Variants in SLC4A8 observed in about 807,000 individuals in gnomAD.
SLC4A8 encodes the protein solute carrier family 4 member 8, also known as electroneutral sodium bicarbonate exchanger 1.
A neutral mutation model predicts 125.0 loss-of-function variants in SLC4A8; 40 were observed. The observed-to-expected ratio is 0.32, with a 90% CI of 0.25 to 0.42. The LOEUF is 0.42. Among genes scored for constraint, SLC4A8 ranks in the 10% least tolerant of loss-of-function variants. SLC4A8 has a pLI of 1.00. For missense variants in SLC4A8, 863 were observed against 1,355.1 expected (o/e 0.64, Z 5.70); for synonymous variants, 456 against 476.0 (o/e 0.96, Z 0.55).
intron 23 of SLC4A8, among the ~76,000 whole-genome samples, chr12:51,504,817 T>G (rs2138453341): frequency 6.6e-6 from 1 of 152,338 alleles, no homozygotes; most frequent in South Asian, 2.1e-4. Flanking sequence ...AACCTATTGC[T>G]CACCACAAAT....
chr12:51,422,409 A>T (rs1261227554), upstream of SLC4A8, among the ~76,000 whole-genome samples: 1 of 152,068 alleles, frequency 6.6e-6, no homozygotes, highest in Non-Finnish European at 1.5e-5. Flanking sequence ...TCACTCTGTC[A>T]CCTCGGCTGG....
At chr12:51,465,188 A>G (rs995647289) in intron 11 of SLC4A8, among the ~76,000 whole-genome samples, 2 of 152,160 alleles carry the variant, frequency 1.3e-5, no homozygotes, top group African/African-American at 4.8e-5. Context: ...TTTCAGGAAA[A>G]GGTTTTGAGT....
At position 51,474,381 on chromosome 12, in the gene SLC4A8, C is replaced by A. The variant is rs1333353087; in HGVS notation, c.1944C>A (p.Thr648=). 2.5e-6 allele frequency: 4 copies of A among 1,603,636 alleles called. No homozygotes were observed. The East Asian group carries it at 9.0e-5, about 36-fold the overall frequency. Reference sequence around the variant, plus strand: ...TGCCAGAGAATCCAAACAATCACACCCTCCAGTACTGGAAGGACCACAACA... The same window carrying A: ...TGCCAGAGAATCCAAACAATCACACACTCCAGTACTGGAAGGACCACAACA... The part of the protein sequence containing the change: ...CTLPENPNNH[T]LQYWKDHNIV... The change falls in exon 15 of 25, where the codon ACC becomes ACA. Residue 648 remains threonine (T), a synonymous_variant. Transcript: ENST00000453097.
intron 10 of SLC4A8, 37 bp downstream of exon 10, chr12:51,462,493 C>G (rs745776866): frequency 6.6e-7 from 1 of 1,510,306 alleles, no homozygotes; most frequent in Non-Finnish European, 8.9e-7. Context: ...GCTATTGTCA[C>G]TTACTGACTG....
intron 24 of SLC4A8, 63 bp downstream of exon 24, chr12:51,505,993 A>G (rs1710679878): frequency 3.9e-6 from 3 of 764,200 alleles, no homozygotes; most frequent in Non-Finnish European, 6.7e-6. Context: ...GCGATATTGA[A>G]GGTAAAATGT....
intron 23 of SLC4A8, among the ~76,000 whole-genome samples, chr12:51,505,224 T>C (rs954366131): frequency 2.6e-5 from 4 of 152,214 alleles, no homozygotes; most frequent in African/African-American, 9.6e-5. Context: ...ATAATCTGGC[T>C]TGCAGCAAAC....
chr12:51,493,862 C>T, intron 20 of SLC4A8, 90 bp downstream of exon 20: 1 of 837,430 alleles, frequency 1.2e-6, no homozygotes, highest in South Asian at 1.4e-5. Flanking sequence ...AGAAGCACAA[C>T]CAGTTCTTGA....
intron 1 of SLC4A8, among the ~76,000 whole-genome samples, chr12:51,394,063 G>C (rs576400538): frequency 4.6e-5 from 7 of 152,258 alleles, no homozygotes; most frequent in African/African-American, 1.7e-4. Flanking sequence ...TCTGCCCTTT[G>C]ACCCTCAGGG....
At chr12:51,482,944 T>C (rs1318128425) in intron 16 of SLC4A8, among the ~76,000 whole-genome samples, 5 of 152,200 alleles carry the variant, frequency 3.3e-5, no homozygotes, top group African/African-American at 1.2e-4. Flanking sequence ...TTCCCTCAGC[T>C]TTGCCTGGGA....
chr12:51,415,231 A>C (rs895393825), intron 1 of SLC4A8, among the ~76,000 whole-genome samples: 12 of 151,622 alleles, frequency 7.9e-5, no homozygotes, highest in African/African-American at 1.9e-4. Flanking sequence ...CCTAATTTTG[A>C]TATCACAGTA....
intron 24 of SLC4A8, among the ~76,000 whole-genome samples, chr12:51,506,651 C>A (rs1388883920): frequency 6.6e-6 from 1 of 152,188 alleles, no homozygotes; most frequent in Non-Finnish European, 1.5e-5. Context: ...CCAGGCTGGT[C>A]TGGAACTCCT....
At chr12:51,493,634 G>T (rs1750733750) in intron 19 of SLC4A8, 70 bp from the exon 20 acceptor site, 2 of 959,104 alleles carry the variant, frequency 2.1e-6, no homozygotes, top group African/African-American at 1.6e-5. Context: ...AGATTTAAAA[G>T]TGTATATAGT....
At chr12:51,414,231 T>C (rs1008667725) in intron 1 of SLC4A8, among the ~76,000 whole-genome samples, 1 of 152,108 alleles carries the variant, frequency 6.6e-6, no homozygotes, top group African/African-American at 2.4e-5. Context: ...TAGTTCATTA[T>C]TGGCATATAG....
In SLC4A8 at chr12:51,512,740, G is replaced by T. The variant is rs1020411375; in HGVS notation, c.*5302G>T. Reference sequence around the variant, plus strand: ...TTTCATTGTTACTACTAGTCTTTGTGTACCTATCTGGAGGGACATTAAAAA... The same window carrying T: ...TTTCATTGTTACTACTAGTCTTTGTTTACCTATCTGGAGGGACATTAAAAA... On this transcript the variant is annotated 3_prime_UTR_variant, in exon 25 of 25. Coordinates refer to ENST00000453097, the MANE Select transcript of SLC4A8 (RefSeq NM_001039960.3). 6.6e-6 allele frequency: 1 copy of T among 152,036 alleles called. No individual in the cohort carries two copies. Among genetic ancestry groups the T allele is most frequent in the African/African-American group, 2.4e-5 (1 of 41,392 alleles). 9.4% of individuals were successfully genotyped at this position (152,036 alleles called of 1,614,324 possible).
intron 18 of SLC4A8, among the ~76,000 whole-genome samples, chr12:51,489,400 A>T (rs752136750): frequency 1.2e-4 from 18 of 152,228 alleles, no homozygotes; most frequent in Non-Finnish European, 2.2e-4. Flanking sequence ...AAGATGTGGC[A>T]GGGTGTCTGG....
chr12:51,489,842 C>G lies in SLC4A8; in HGVS notation c.2591C>G (p.Ser864Cys). The G allele has an allele frequency of 3.1e-6, 5 of 1,614,218 alleles. No homozygotes were observed. Among genetic ancestry groups the G allele is most frequent in the Non-Finnish European group, 4.2e-6 (5 of 1,180,024 alleles). The stretch of plus-strand genomic sequence containing the variant: ...AGCCTCAAGCTAGAATCTGAATGCT[C>G]TGCTCCTGGAGAACAGCCCAAGTTC... Reference protein sequence around the residue: ...VNSLKLESECSAPGEQPKFLG... With the variant: ...VNSLKLESECCAPGEQPKFLG... Residue 864 changes from serine (S) to cysteine (C), a missense_variant, in exon 19 of 25, where the codon TCT (serine) becomes TGT (cysteine). By Grantham distance (112) the Ser-to-Cys change is moderately radical. This residue lies in a region of SLC4A8 where 197 missense variants were observed against 377.7 expected (regional missense o/e 0.52). Transcript: ENST00000453097.
chr12:51,480,322 CTTA>C, intron 16 of SLC4A8: 1 of 1,203,074 alleles, frequency 8.3e-7, no homozygotes, highest in South Asian at 1.5e-5. Context: ...ATATGTATGT[CTTA>C]TTATATACAA....
chr12:51,463,213 A>G (rs1950397375), intron 10 of SLC4A8, among the ~76,000 whole-genome samples: 1 of 152,106 alleles, frequency 6.6e-6, no homozygotes, highest in South Asian at 2.1e-4. Flanking sequence ...CCCTCAAAAG[A>G]TATTGTTATC....
At chr12:51,409,346 A>G (rs1948554226) in intron 1 of SLC4A8, among the ~76,000 whole-genome samples, 2 of 152,246 alleles carry the variant, frequency 1.3e-5, no homozygotes, top group South Asian at 2.1e-4. Flanking sequence ...TTTGCTTGCT[A>G]ATATAACAGG....
Sources: gnomAD v4.1 joint callset for allele counts (sites outside exome capture counted in the v4.1 genomes callset) on GRCh38, gnomAD v4.1.1 for gene constraint, gnomAD v4.1.1 regional missense constraint, MANE v1.5 for transcripts, NCBI Gene and HGNC (gene_info 2026-07-23, HGNC 2026-07-21) for gene names.